MCF2L2: variants seen among roughly 807,000 people sequenced by gnomAD.
MCF2L2 encodes probable guanine nucleotide exchange factor MCF2L2.
MCF2L2 carries 102 observed loss-of-function variants against 150.2 expected under a neutral mutation model. The ratio of observed to expected loss-of-function variants is 0.68; its 90% CI spans 0.58 to 0.80. The LOEUF is 0.80. MCF2L2 is among the 30% of genes least tolerant of loss of function. The probability of loss-of-function intolerance (pLI) is 0.00; values close to 1 mark genes in which losing one functional copy is unlikely to be tolerated. For missense variants in MCF2L2, 1,256 were observed against 1,372.8 expected (o/e 0.91, Z 1.34); for synonymous variants, 465 against 491.3 (o/e 0.95, Z 0.71).
intron 11 of MCF2L2, chr3:183,298,462 T>A (rs1356645305): frequency 6.6e-6 from 1 of 152,138 alleles, no homozygotes; most frequent in African/African-American, 2.4e-5. Context: ...TTATTTACAG[T>A]GAATATGTAC....
intron 15 of MCF2L2, chr3:183,272,066 C>A (rs1414552478): frequency 1.3e-6 from 1 of 762,316 alleles, no homozygotes; most frequent in Non-Finnish European, 1.6e-6. Flanking sequence ...CAGAGGTGAT[C>A]TTTATTTTCT....
intron 5 of MCF2L2, among the ~76,000 whole-genome samples, chr3:183,338,098 T>C (rs978357319): frequency 1.3e-5 from 2 of 149,756 alleles, no homozygotes; most frequent in Non-Finnish European, 2.9e-5. Flanking sequence ...AGTCCCTTTC[T>C]ATCATCTTAG....
chr3:183,285,284 T>C (rs552123462), intron 14 of MCF2L2, among the ~76,000 whole-genome samples: 4 of 152,348 alleles, frequency 2.6e-5, no homozygotes, highest in African/African-American at 9.6e-5. Context: ...ATTGCTATGA[T>C]TTATCACCAT....
At chr3:183,247,477 G>A (rs371566469) in intron 15 of MCF2L2, among the ~76,000 whole-genome samples, 32 of 152,182 alleles carry the variant, frequency 2.1e-4, no homozygotes, top group African/African-American at 6.3e-4. Flanking sequence ...AGAATACAGC[G>A]GATAGGAAAA....
At position 183,181,043 on chromosome 3, in the gene MCF2L2, C is replaced by A. The variant is rs776957504; in HGVS notation, c.3017-884G>T. ...CCGAGGGTCAGCTGAGTAGTCTACG[C>A]GGCGGGAGCCGTGCTAGGAAAGTGT... On this transcript the variant is annotated intron_variant, in intron 27 of 29. Coordinates refer to ENST00000328913, the MANE Select transcript of MCF2L2 (RefSeq NM_015078.4). This position sits in a 1 kb window ranked among gnomAD's most constrained non-coding sequence, Gnocchi z 4.3. Among the ~76,000 whole-genome samples, 1 of 152,228 alleles carries A rather than the reference C, an allele frequency of 6.6e-6. No individual in the cohort carries two copies.
intron 15 of MCF2L2, among the ~76,000 whole-genome samples, chr3:183,247,805 G>T (rs1456344415): frequency 2.0e-5 from 3 of 152,092 alleles, no homozygotes; most frequent in African/African-American, 7.2e-5. Flanking sequence ...AGTGTGCATA[G>T]GTTATATGCA....
chr3:183,409,353 G>A (rs1363887843), intron 1 of MCF2L2, among the ~76,000 whole-genome samples: 1 of 152,106 alleles, frequency 6.6e-6, no homozygotes, highest in Non-Finnish European at 1.5e-5. Flanking sequence ...ATGCCTCAAA[G>A]CCAGCCAGAC....
At chr3:183,232,692 T>C in intron 15 of MCF2L2, among the ~76,000 whole-genome samples, 1 of 152,150 alleles carries the variant, frequency 6.6e-6, no homozygotes, top group East Asian at 1.9e-4. Flanking sequence ...GGACACAAAA[T>C]AGGAGATTCA....
chr3:183,311,890 G>T (rs1314061819), intron 7 of MCF2L2, 118 bp from the exon 8 acceptor site: 4 of 868,138 alleles, frequency 4.6e-6, no homozygotes, highest in Non-Finnish European at 6.9e-6. Context: ...AAATGCTGAT[G>T]AAGTCAAGAT....
Position 183,305,941 on chromosome 3 carries a change from T to G in MCF2L2, c.1113+3775A>C, listed in dbSNP as rs967935745. Among the ~76,000 whole-genome samples the G allele has an allele frequency of 6.6e-6, 1 of 152,212 alleles. No individual in the cohort carries two copies. The highest frequency in any genetic ancestry group is 2.4e-5 in the African/African-American group (1 of 41,452). Reference sequence around the variant, plus strand: ...GAATTGAAAGGACAACAATAGTTTCTGACCACTGACTACTGACCACCAACC... The same window carrying G: ...GAATTGAAAGGACAACAATAGTTTCGGACCACTGACTACTGACCACCAACC... On this transcript the variant is annotated intron_variant, in intron 10 of 29. Transcript: ENST00000328913. The surrounding 1 kb of genome is among the most constrained non-coding windows in gnomAD (Gnocchi z 4.1).
chr3:183,406,255 ATCG>A (rs1389365226), intron 1 of MCF2L2, among the ~76,000 whole-genome samples: 3 of 152,148 alleles, frequency 2.0e-5, no homozygotes, highest in Non-Finnish European at 4.4e-5. Flanking sequence ...ATGTCTTGGT[ATCG>A]TCATTTTTTT....
At chr3:183,402,257 C>T (rs1714794428) in intron 1 of MCF2L2, among the ~76,000 whole-genome samples, 1 of 150,550 alleles carries the variant, frequency 6.6e-6, no homozygotes, top group East Asian at 2.0e-4. Context: ...TCCTGGCTAA[C>T]ATGGTGAAAC....
chr3:183,178,755 G>C lies in MCF2L2; in HGVS notation c.*625C>G, dbSNP rs1009535596. ...CATAAAATACCTCAGAAAGTAACTT[G>C]GAACGAACTCTCTCTACAACGAAGC... On this transcript the variant is annotated 3_prime_UTR_variant, in exon 30 of 30. Coordinates refer to ENST00000328913, the MANE Select transcript of MCF2L2 (RefSeq NM_015078.4). The C allele has an allele frequency of 6.6e-6, 1 of 152,238 alleles. No homozygotes were observed. The highest frequency in any genetic ancestry group is 1.5e-5 in the Non-Finnish European group (1 of 68,038). The allele number at this position is 152,238 out of a possible 1,614,324, so 9.4% of individuals were successfully genotyped here. A position where few individuals can be genotyped will look rare whatever the true frequency, so the allele number is the denominator to read the frequency against.
chr3:183,336,217 GTA>G (rs943143434), intron 5 of MCF2L2, among the ~76,000 whole-genome samples: 5 of 151,776 alleles, frequency 3.3e-5, no homozygotes, highest in African/African-American at 9.7e-5. Context: ...ATTCTTATGT[GTA>G]TATATATATC....
intron 22 of MCF2L2, among the ~76,000 whole-genome samples, chr3:183,210,509 G>T (rs527925899): frequency 6.6e-6 from 1 of 152,278 alleles, no homozygotes; most frequent in South Asian, 2.1e-4. Context: ...GTGATATGTT[G>T]TCACTGAGCA....
intron 25 of MCF2L2, among the ~76,000 whole-genome samples, chr3:183,202,977 G>C (rs949637719): frequency 2.9e-4 from 44 of 152,338 alleles, no homozygotes; most frequent in African/African-American, 9.6e-4. Flanking sequence ...GGGAGGCCAA[G>C]GCAGGCAGAT....
rs901672255 is a variant in MCF2L2, at chr3:183,326,363, G to A, written c.487-3012C>T. Among the ~76,000 whole-genome samples, 6 of 151,724 alleles carry A rather than the reference G, an allele frequency of 4.0e-5. No individual in the cohort carries two copies. The East Asian group carries it at 7.8e-4, about 20-fold the overall frequency. On this transcript the variant is annotated intron_variant, in intron 5 of 29. Transcript: ENST00000328913. ...AAAAATTAGCCGGGCATGGTGGTGG[G>A]TGCCTGTAATCCCAGCTGCTTGGGA...
At chr3:183,321,528 CAG>C (rs917969890) in intron 6 of MCF2L2, among the ~76,000 whole-genome samples, 4 of 151,712 alleles carry the variant, frequency 2.6e-5, no homozygotes, top group African/African-American at 9.7e-5. Flanking sequence ...AAAAATTTGT[CAG>C]AGAGGCACGA....
intron 10 of MCF2L2, among the ~76,000 whole-genome samples, chr3:183,303,645 A>G (rs1331998508): frequency 6.6e-6 from 1 of 151,874 alleles, no homozygotes; most frequent in East Asian, 1.9e-4. Context: ...TTCTGACCCC[A>G]TCTCTGCCAC....
Sources: gnomAD v4.1 joint callset for allele counts (sites outside exome capture counted in the v4.1 genomes callset) on GRCh38, gnomAD v4.1.1 for gene constraint, Gnocchi (gnomAD v3.1) non-coding constraint, MANE v1.5 for transcripts, NCBI Gene and HGNC (gene_info 2026-07-23, HGNC 2026-07-21) for gene names.